Variants in GABARAPL1 observed in about 807,000 individuals in gnomAD.
The protein encoded by GABARAPL1 is gamma-aminobutyric acid receptor-associated protein-like 1.
A neutral mutation model predicts 14.5 loss-of-function variants in GABARAPL1; 4 were observed. The ratio of observed to expected loss-of-function variants is 0.28; its 90% CI spans 0.14 to 0.63. GABARAPL1 has a LOEUF of 0.63. GABARAPL1 is among the 30% of genes least tolerant of loss of function. GABARAPL1 has a pLI of 0.84. For missense variants in GABARAPL1, 82 were observed against 139.2 expected (o/e 0.59, Z 2.07); for synonymous variants, 47 against 50.6 (o/e 0.93, Z 0.30).
chr12:10,221,729 A>G (rs1394418267), intron 3 of GABARAPL1, 58 bp from the exon 4 acceptor site: 4 of 1,587,958 alleles, frequency 2.5e-6, no homozygotes, highest in Non-Finnish European at 3.5e-6. Context: ...GAGGCTCAGC[A>G]TCTTAGAGCT....
intron 3 of GABARAPL1, chr12:10,220,777 T>C: frequency 6.8e-7 from 1 of 1,478,104 alleles, no homozygotes; most frequent in East Asian, 2.5e-5. Flanking sequence ...TCTGAAATCT[T>C]GTCTGACTAT....
Position 10,215,271 on chromosome 12 carries a change from A to G in GABARAPL1, c.90+2052A>G, listed in dbSNP as rs185106748. 1.1e-4 allele frequency among the ~76,000 whole-genome samples: 17 copies of G among 152,346 alleles called. No homozygotes were observed. In the East Asian group the frequency reaches 2.9e-3, roughly 26 times the overall value. On this transcript the variant is annotated intron_variant, in intron 1 of 3. Coordinates refer to ENST00000266458, the MANE Select transcript of GABARAPL1 (RefSeq NM_031412.4). ...GCAATGGCGTACCCTGACTGCTCGC[A>G]TAACCAGAACTTAGCCCCACCAATA... is the stretch of plus-strand genomic sequence containing the variant.
chr12:10,218,754 G>T (rs1177850223), intron 2 of GABARAPL1, among the ~76,000 whole-genome samples: 2 of 151,216 alleles, frequency 1.3e-5, no homozygotes, highest in African/African-American at 4.8e-5. Flanking sequence ...TGTAGCCCAG[G>T]CTGGAGTGCA....
chr12:10,213,478 T>TCAGCAACCCA (rs1285246638), intron 1 of GABARAPL1: 1 of 493,740 alleles, frequency 2.0e-6, no homozygotes, highest in Non-Finnish European at 3.8e-6. Flanking sequence ...CTTCAGTGAC[T>TCAGCAACCCA]CAGCAACCCA....
intron 2 of GABARAPL1, among the ~76,000 whole-genome samples, chr12:10,219,701 G>A (rs1362667951): frequency 6.6e-6 from 1 of 152,096 alleles, no homozygotes; most frequent in Non-Finnish European, 1.5e-5. Context: ...TCGGGAGGCT[G>A]AGGCAGGAGA....
intron 1 of GABARAPL1, chr12:10,214,480 C>T (rs1949077139): frequency 6.6e-6 from 1 of 152,224 alleles, no homozygotes; most frequent in South Asian, 2.1e-4. Context: ...GGATCCTTTA[C>T]AAATTACTTT....
chr12:10,217,426 TG>T (rs147354745), intron 1 of GABARAPL1, among the ~76,000 whole-genome samples: 3,840 of 152,314 alleles, frequency 0.025, 167 homozygotes, highest in African/African-American at 0.087. Flanking sequence ...GTTTTCTTGA[TG>T]CTCTAATTAA....
chr12:10,217,567 C>T (rs1949097736), intron 1 of GABARAPL1, among the ~76,000 whole-genome samples: 1 of 152,054 alleles, frequency 6.6e-6, no homozygotes, highest in Non-Finnish European at 1.5e-5. Context: ...CCGCATCTCT[C>T]TTAAAAATAC....
intron 3 of GABARAPL1, 40 bp from the exon 4 acceptor site, chr12:10,221,747 G>T (rs1949121020): frequency 6.2e-7 from 1 of 1,608,824 alleles, no homozygotes; most frequent in Non-Finnish European, 8.5e-7. Flanking sequence ...GCTAATGAAT[G>T]AATATGTTTT....
chr12:10,218,534 C>T (rs981778495), intron 2 of GABARAPL1, among the ~76,000 whole-genome samples: 47 of 151,974 alleles, frequency 3.1e-4, no homozygotes, highest in African/African-American at 1.1e-3. Flanking sequence ...GATCATGCCA[C>T]TGCACTCCAC....
chr12:10,216,366 G>A (rs1238705221), intron 1 of GABARAPL1, among the ~76,000 whole-genome samples: 4 of 150,672 alleles, frequency 2.7e-5, no homozygotes, highest in African/African-American at 7.3e-5. Context: ...TGTGACACTC[G>A]ACCTCAAAAA....
chr12:10,220,582 C>G (rs1949115213), intron 3 of GABARAPL1, 24 bp downstream of exon 3: 1 of 1,613,866 alleles, frequency 6.2e-7, no homozygotes, highest in African/African-American at 1.3e-5. Flanking sequence ...TTGCACAATA[C>G]TGGATGCCGT....
chr12:10,213,763 G>T (rs1026590606), intron 1 of GABARAPL1: 4 of 446,364 alleles, frequency 9.0e-6, no homozygotes, highest in African/African-American at 6.0e-5. Context: ...GGTTAGGGGA[G>T]CACAAGACAG....
Position 10,212,977 on chromosome 12 carries a change from CCCCTGCACACTCGG to C in GABARAPL1, c.-149_-136del. 1 of 611,024 alleles carries C rather than the reference CCCCTGCACACTCGG, an allele frequency of 1.6e-6. No homozygotes were observed. The highest frequency in any genetic ancestry group is 3.0e-6 in the Non-Finnish European group (1 of 332,344). 37.9% of individuals were successfully genotyped at this position (611,024 alleles called of 1,614,324 possible). On this transcript the variant is annotated 5_prime_UTR_variant, in exon 1 of 4. Coordinates refer to ENST00000266458, the MANE Select transcript of GABARAPL1 (RefSeq NM_031412.4). ...CACCCGAGATCCCCGCCCCGAACCC[CCCCTGCACACTCGG>C]CCCAGCGCTGTTGCCCCCGGAGCGG... is the stretch of plus-strand genomic sequence containing the variant.
chr12:10,213,409 A>T lies in GABARAPL1; in HGVS notation c.90+190A>T, dbSNP rs145550319. 1,302 of 665,360 alleles carry T rather than the reference A, an allele frequency of 2.0e-3. 8 individuals are homozygous for T. In the African/African-American group the frequency reaches 0.021, roughly 11 times the overall value. The allele number at this position is 665,360 out of a possible 1,614,324, so 41.2% of individuals were successfully genotyped here. A position where few individuals can be genotyped will look rare whatever the true frequency, so the allele number is the denominator to read the frequency against. The stretch of plus-strand genomic sequence containing the variant: ...GACTGTAGAGCTTTTAAAACCCCGT[A>T]TGCCTGGGCCCCGAACCCCACTTCA... On this transcript the variant is annotated intron_variant, in intron 1 of 3. Transcript: ENST00000266458.
intron 3 of GABARAPL1, 176 bp from the exon 4 acceptor site, chr12:10,221,611 T>G (rs1200631081): frequency 2.0e-6 from 1 of 495,706 alleles, no homozygotes; most frequent in Non-Finnish European, 2.6e-6. Flanking sequence ...GATTTTTGTT[T>G]GTGAACTCAG....
intron 2 of GABARAPL1, 51 bp from the exon 3 acceptor site, chr12:10,220,389 T>G (rs1201216535): frequency 6.2e-7 from 1 of 1,609,820 alleles, no homozygotes; most frequent in Non-Finnish European, 8.5e-7. Flanking sequence ...CTTCTACTAA[T>G]TCCTTGTTTT....
chr12:10,218,087 GC>G lies in GABARAPL1; in HGVS notation c.117del (p.Arg40GlyfsTer11). The G allele has an allele frequency of 1.9e-6, 3 of 1,609,712 alleles. 1 individual carries two copies. In the Middle Eastern group the frequency reaches 5.0e-4, roughly 266 times the overall value. ...VPVIVEKAPK[A>X]RVPDLDKRKY... ...GGTGATTGTAGAGAAGGCTCCAAAAGCCAGGGTGCCTGATCTGGACAAGAGG... is the reference window on the plus strand; with the variant it reads ...GGTGATTGTAGAGAAGGCTCCAAAAGCAGGGTGCCTGATCTGGACAAGAGG... On this transcript the variant is annotated frameshift_variant, in exon 2 of 4. Transcript: ENST00000266458. LOFTEE classifies it high-confidence loss of function.
At chr12:10,221,021 T>A in intron 3 of GABARAPL1, 1 of 985,400 alleles carries the variant, frequency 1.0e-6, no homozygotes, top group Non-Finnish European at 1.2e-6. Flanking sequence ...GAGGCCAGCC[T>A]CTGCCAACTG....
Sources: allele counts gnomAD v4.1 joint callset (sites outside exome capture counted in the v4.1 genomes callset), GRCh38; gene constraint gnomAD v4.1.1; transcripts MANE v1.5; gene names NCBI Gene and HGNC (gene_info 2026-07-23, HGNC 2026-07-21).